Variants in CACNA2D1 observed in about 807,000 individuals in gnomAD.
The protein encoded by CACNA2D1 is voltage-dependent calcium channel subunit alpha-2/delta-1.
CACNA2D1 carries 53 observed loss-of-function variants against 171.5 expected under a neutral mutation model. The ratio of observed to expected loss-of-function variants is 0.31; its 90% confidence interval spans 0.25 to 0.39. CACNA2D1 has a LOEUF of 0.39. Ranked by LOEUF, CACNA2D1 falls within the 10% of genes least tolerant of loss-of-function variation. The probability of loss-of-function intolerance (pLI) is 1.00; values close to 1 mark genes in which losing one functional copy is unlikely to be tolerated. For missense variants in CACNA2D1, 903 were observed against 1,299.8 expected, an observed-to-expected ratio of 0.69 and a Z score of 4.69; for synonymous variants, 442 against 443.1, an observed-to-expected ratio of 1.00 and a Z score of 0.03.
At chr7:82,412,565 G>A (rs1211099842) in intron 1 of CACNA2D1, among the ~76,000 whole-genome samples, 1 of 151,966 alleles carries the variant, frequency 6.6e-6, no homozygotes, top group Admixed American at 6.6e-5. Flanking sequence ...TTACAGGCGT[G>A]AGCCACTGTG....
intron 3 of CACNA2D1, among the ~76,000 whole-genome samples, chr7:82,182,353 C>T (rs1797214962): frequency 6.6e-6 from 1 of 152,142 alleles, no homozygotes; most frequent in African/African-American, 2.4e-5. Context: ...GGCCCCATCT[C>T]ACTATCAGAT....
chr7:82,065,278 A>G (rs949824478), intron 8 of CACNA2D1, among the ~76,000 whole-genome samples: 49 of 152,240 alleles, frequency 3.2e-4, no homozygotes, highest in Middle Eastern at 3.4e-3. Flanking sequence ...TAAGAAGGTA[A>G]AGTGGCAGAG....
In CACNA2D1 at chr7:81,973,455, T is replaced by C. The variant is rs548988506; in HGVS notation, c.2053+1000A>G. On this transcript the variant is annotated intron_variant, in intron 25 of 38. Coordinates refer to ENST00000356860, the MANE Select transcript of CACNA2D1 (RefSeq NM_000722.4). ...GTTATTTCTTCTCATATGCAATAAA[T>C]CGAAGTTAAGAGTCAGCTTTAAGAA... 6.6e-5 allele frequency among the ~76,000 whole-genome samples: 10 copies of C among 152,112 alleles called. No individual in the cohort carries two copies. In the East Asian group the frequency reaches 1.9e-3, roughly 29 times the overall value.
chr7:82,135,707 T>G (rs1195359737), intron 5 of CACNA2D1, among the ~76,000 whole-genome samples: 1 of 152,094 alleles, frequency 6.6e-6, no homozygotes. Context: ...GTTTTATGTA[T>G]TTTTTCATTT....
chr7:82,302,615 G>A (rs773552324), intron 3 of CACNA2D1, among the ~76,000 whole-genome samples: 2 of 152,032 alleles, frequency 1.3e-5, no homozygotes, highest in Non-Finnish European at 2.9e-5. Context: ...GTTCCTCCAT[G>A]TTGGTCAGGC....
chr7:82,391,373 G>T (rs573250367), intron 1 of CACNA2D1, among the ~76,000 whole-genome samples: 1 of 152,274 alleles, frequency 6.6e-6, no homozygotes, highest in African/African-American at 2.4e-5. Flanking sequence ...AAACCATGCA[G>T]TGCAGTCTCC....
intron 34 of CACNA2D1, among the ~76,000 whole-genome samples, chr7:81,963,796 TAGAGGAAGGAAGACTCTAA>T (rs759717418): frequency 4.2e-4 from 64 of 151,950 alleles, no homozygotes; most frequent in Non-Finnish European, 6.6e-4. Context: ...AATAGATATG[TAGAGGAAGGAAGACTCTAA>T]AGAGGCTGAA....
intron 3 of CACNA2D1, among the ~76,000 whole-genome samples, chr7:82,222,269 G>C (rs1372378924): frequency 1.3e-5 from 2 of 152,172 alleles, no homozygotes; most frequent in Admixed American, 1.3e-4. Flanking sequence ...TTCTGAGAAG[G>C]AATTTCTAGG....
intron 1 of CACNA2D1, among the ~76,000 whole-genome samples, chr7:82,440,520 C>G (rs980213569): frequency 6.6e-6 from 1 of 151,854 alleles, no homozygotes; most frequent in African/African-American, 2.4e-5. Flanking sequence ...AACCAATACA[C>G]ATTATGTGGC....
chr7:82,258,456 C>G (rs1242004688), intron 3 of CACNA2D1, among the ~76,000 whole-genome samples: 3 of 152,116 alleles, frequency 2.0e-5, no homozygotes, highest in Non-Finnish European at 4.4e-5. Context: ...GTATTCCTGG[C>G]AGGTCCATCA....
chr7:82,160,676 G>A (rs867926377), intron 4 of CACNA2D1, among the ~76,000 whole-genome samples: 2 of 151,878 alleles, frequency 1.3e-5, no homozygotes, highest in East Asian at 1.9e-4. Context: ...GTCTCCTTAC[G>A]TGGCCCAGGC....
intron 24 of CACNA2D1, among the ~76,000 whole-genome samples, chr7:81,978,082 A>G (rs37083): frequency 0.011 from 1,615 of 152,302 alleles, 29 homozygotes; most frequent in African/African-American, 0.035. Flanking sequence ...AAAAGTCAGG[A>G]AACAATAGAT....
intron 7 of CACNA2D1, among the ~76,000 whole-genome samples, chr7:82,081,834 T>C (rs1007871717): frequency 2.0e-5 from 3 of 149,196 alleles, no homozygotes; most frequent in African/African-American, 7.8e-5. Flanking sequence ...ACTGTGACTG[T>C]GCACCCAGCC....
At chr7:82,011,589 A>C (rs561121095) in intron 15 of CACNA2D1, among the ~76,000 whole-genome samples, 1 of 152,200 alleles carries the variant, frequency 6.6e-6, no homozygotes, top group Non-Finnish European at 1.5e-5. Context: ...TCAATGACGT[A>C]TTTCCATAAA....
chr7:82,247,576 A>T (rs182912258), intron 3 of CACNA2D1, among the ~76,000 whole-genome samples: 113 of 152,268 alleles, frequency 7.4e-4, no homozygotes, highest in Middle Eastern at 6.8e-3. Context: ...AGGTCTGTCC[A>T]AAGTAAATCC....
At chr7:82,130,353 T>A (rs1044123037) in intron 5 of CACNA2D1, among the ~76,000 whole-genome samples, 1 of 152,176 alleles carries the variant, frequency 6.6e-6, no homozygotes, top group African/African-American at 2.4e-5. Context: ...ACTGGTAAAG[T>A]TTCTGCACGG....
chr7:82,172,640 T>C (rs113691425), intron 3 of CACNA2D1, among the ~76,000 whole-genome samples: 3,990 of 77,166 alleles, frequency 0.052, 110 homozygotes, highest in Middle Eastern at 0.12. Context: ...TTTTTTTTTT[T>C]GGTAAAGATG....
At chr7:82,026,765 G>A (rs535991268) in intron 12 of CACNA2D1, among the ~76,000 whole-genome samples, 1 of 151,772 alleles carries the variant, frequency 6.6e-6, no homozygotes, top group East Asian at 1.9e-4. Flanking sequence ...TGAAGATGGT[G>A]AAAAATATAT....
chr7:82,196,949 G>C (rs1005387351), intron 3 of CACNA2D1, among the ~76,000 whole-genome samples: 4 of 151,722 alleles, frequency 2.6e-5, no homozygotes, highest in African/African-American at 9.7e-5. Context: ...AATTATCTAA[G>C]AATAAATAGA....
Sources: allele counts gnomAD v4.1 joint callset (sites outside exome capture counted in the v4.1 genomes callset), GRCh38; gene constraint gnomAD v4.1.1; transcripts MANE v1.5; gene names NCBI Gene and HGNC (gene_info 2026-07-23, HGNC 2026-07-21).